The following SCAI variants were observed in gnomAD, a reference collection of about 807,000 sequenced individuals.
The protein encoded by SCAI is protein SCAI.
SCAI carries 24 observed loss-of-function variants against 92.2 expected under a neutral mutation model. That is an observed-to-expected ratio of 0.26 (90% confidence interval 0.19 to 0.37). The LOEUF (loss-of-function observed/expected upper bound fraction) is 0.37, where lower values mean the gene tolerates loss of function less well. SCAI is among the 10% of genes least tolerant of loss of function. The pLI is 1.00. For synonymous variants in SCAI, 261 were observed against 258.6 expected, an observed-to-expected ratio of 1.01 and a Z score of -0.09; for missense variants, 450 against 736.2, an observed-to-expected ratio of 0.61 and a Z score of 4.50.
chr9:125,060,914 T>G (rs1833756977), intron 2 of SCAI, among the ~76,000 whole-genome samples: 1 of 152,222 alleles, frequency 6.6e-6, no homozygotes, highest in South Asian at 2.1e-4. Flanking sequence ...TATTCAAGTA[T>G]TTCATAAATA....
At chr9:125,033,008 G>T (rs1833113440) in intron 3 of SCAI, among the ~76,000 whole-genome samples, 1 of 152,246 alleles carries the variant, frequency 6.6e-6, no homozygotes, top group South Asian at 2.1e-4. Flanking sequence ...ATTATTGGTT[G>T]TAATAGACAG....
At chr9:124,957,690 T>C (rs1442566068) in intron 17 of SCAI, among the ~76,000 whole-genome samples, 1 of 150,482 alleles carries the variant, frequency 6.6e-6, no homozygotes, top group Non-Finnish European at 1.5e-5. Context: ...ATTTTTTTTT[T>C]TTTTTTAAAA....
intron 13 of SCAI, among the ~76,000 whole-genome samples, chr9:124,997,352 C>T (rs1271794142): frequency 6.6e-6 from 1 of 152,110 alleles, no homozygotes; most frequent in African/African-American, 2.4e-5. Context: ...TTCATGGGTC[C>T]CATCCCTAAG....
Position 124,948,837 on chromosome 9 carries a change from C to G in SCAI, c.*3970G>C, listed in dbSNP as rs1008801863. 1 of 152,252 alleles carries G rather than the reference C, an allele frequency of 6.6e-6. No homozygotes were observed. The highest frequency in any genetic ancestry group is 1.9e-4 in the East Asian group (1 of 5,188). 9.4% of individuals were successfully genotyped at this position (152,252 alleles called of 1,614,324 possible). ...AACAAAGGAGTGCTTTTTCCCTTTG[C>G]TTTGCTCTGTTCTTAGTTCCAATAT... On this transcript the variant is annotated 3_prime_UTR_variant, in exon 18 of 18. Coordinates refer to ENST00000336505, the MANE Select transcript of SCAI (RefSeq NM_001144877.3).
chr9:125,029,531 T>G (rs1833029784), intron 4 of SCAI, 113 bp downstream of exon 4: 1 of 543,376 alleles, frequency 1.8e-6, no homozygotes, highest in Admixed American at 3.4e-5. Context: ...TTTGCTTTGT[T>G]GGTGAAAAAA....
At chr9:125,014,550 G>A (rs1190886671) in intron 9 of SCAI, among the ~76,000 whole-genome samples, 1 of 152,062 alleles carries the variant, frequency 6.6e-6, no homozygotes, top group Non-Finnish European at 1.5e-5. Flanking sequence ...ACAAATGAAA[G>A]AACATTCCAT....
intron 3 of SCAI, among the ~76,000 whole-genome samples, chr9:125,055,169 T>A (rs1361400847): frequency 6.6e-6 from 1 of 152,154 alleles, no homozygotes; most frequent in Non-Finnish European, 1.5e-5. Flanking sequence ...TAATTTAAAA[T>A]AACTTAGTAT....
intron 9 of SCAI, among the ~76,000 whole-genome samples, chr9:125,018,258 C>T (rs906045559): frequency 6.6e-6 from 1 of 151,734 alleles, no homozygotes; most frequent in South Asian, 2.1e-4. Context: ...CCATGGCTGG[C>T]TAATTTTTGC....
chr9:124,994,969 T>G lies in SCAI; in HGVS notation c.1291A>C (p.Ile431Leu). 1 of 1,613,104 alleles carries G rather than the reference T, an allele frequency of 6.2e-7. No homozygotes were observed. Among genetic ancestry groups the G allele is most frequent in the Non-Finnish European group, 8.5e-7 (1 of 1,179,700 alleles). ...LYPFTRKPLFIIVDSSNSVAY... is the reference protein window; with the variant it reads ...LYPFTRKPLFLIVDSSNSVAY... ...ACACTATTAGACGAATCCACAATGA[T>G]GAACAGTGGCTTCCTGGTGAAAGGA... is the stretch of plus-strand genomic sequence containing the variant. Residue 431 changes from isoleucine to leucine, a missense_variant, in exon 14 of 18, where the codon ATC becomes CTC. Coordinates refer to ENST00000336505, the MANE Select transcript of SCAI (RefSeq NM_001144877.3).
intron 9 of SCAI, among the ~76,000 whole-genome samples, chr9:125,009,094 T>C (rs560617018): frequency 9.9e-5 from 15 of 152,182 alleles, no homozygotes; most frequent in African/African-American, 3.4e-4. Context: ...GTTGGAGATG[T>C]GCAATATACT....
In SCAI at chr9:125,097,219, G is replaced by A. The variant is rs1201364390; in HGVS notation, c.99-41212C>T. Among the ~76,000 whole-genome samples the A allele has an allele frequency of 4.6e-5, 7 of 152,298 alleles. No individual in the cohort carries two copies. The East Asian group carries it at 1.2e-3, about 25-fold the overall frequency. ...AGACCGAGGTGGGCAGATCACTTGA[G>A]GTCAGAAGTTTGACACCAGCCTGGC... On this transcript the variant is annotated intron_variant, in intron 2 of 17. Coordinates refer to ENST00000336505, the MANE Select transcript of SCAI (RefSeq NM_001144877.3).
intron 2 of SCAI, 84 bp downstream of exon 2, chr9:125,142,549 G>T: frequency 1.1e-6 from 1 of 950,008 alleles, no homozygotes; most frequent in South Asian, 1.4e-5. Flanking sequence ...TTCATCTACT[G>T]ACAGTATACA....
chr9:124,962,112 T>C (rs1234413865), intron 17 of SCAI, among the ~76,000 whole-genome samples: 1 of 150,414 alleles, frequency 6.6e-6, no homozygotes. Flanking sequence ...TGCTTTGTTA[T>C]ATAATGAGTT....
At chr9:125,137,382 A>C (rs1445261937) in intron 2 of SCAI, among the ~76,000 whole-genome samples, 1 of 152,212 alleles carries the variant, frequency 6.6e-6, no homozygotes, top group African/African-American at 2.4e-5. Flanking sequence ...TTGTTCACTC[A>C]AAAATTCAAT....
intron 17 of SCAI, among the ~76,000 whole-genome samples, chr9:124,960,334 A>G (rs1160252928): frequency 6.6e-6 from 1 of 152,100 alleles, no homozygotes; most frequent in African/African-American, 2.4e-5. Flanking sequence ...GGCTCAAGCG[A>G]CGCCCCAGCT....
intron 6 of SCAI, among the ~76,000 whole-genome samples, chr9:125,026,595 C>T (rs925437187): frequency 2.6e-5 from 4 of 152,140 alleles, no homozygotes; most frequent in African/African-American, 9.7e-5. Context: ...CCCAACCCTC[C>T]TTTGGCATTG....
rs1831111305 is a variant in SCAI at position 124,944,483 on chromosome 9, T to A, written c.*8324A>T. 1 of 149,676 alleles carries A rather than the reference T, an allele frequency of 6.7e-6. No individual in the cohort carries two copies. Among genetic ancestry groups the A allele is most frequent in the Non-Finnish European group, 1.4e-5 (1 of 69,126 alleles). The allele number at this position is 149,676 out of a possible 1,614,324, so 9.3% of individuals were successfully genotyped here. ...CCTGGCTAATTTTTTTTTTTTTTTT[T>A]TTTTTTTTGTATTTTAGTAGCGACA... On this transcript the variant is annotated 3_prime_UTR_variant, in exon 18 of 18. Coordinates refer to ENST00000336505, the MANE Select transcript of SCAI (RefSeq NM_001144877.3).
chr9:125,077,351 T>G (rs1834111168), intron 2 of SCAI, among the ~76,000 whole-genome samples: 1 of 152,240 alleles, frequency 6.6e-6, no homozygotes, highest in Non-Finnish European at 1.5e-5. Flanking sequence ...TGTTTCTCCT[T>G]TCAACAAGTG....
intron 3 of SCAI, among the ~76,000 whole-genome samples, chr9:125,038,306 C>A (rs1381932146): frequency 6.6e-6 from 1 of 152,164 alleles, no homozygotes; most frequent in Non-Finnish European, 1.5e-5. Flanking sequence ...GAGAAAGCCA[C>A]AAAACAAGGC....
Sources: gnomAD v4.1 joint callset for allele counts (sites outside exome capture counted in the v4.1 genomes callset) on GRCh38, gnomAD v4.1.1 for gene constraint, MANE v1.5 for transcripts, NCBI Gene and HGNC (gene_info 2026-07-23, HGNC 2026-07-21) for gene names.